PDE4D: variants seen among roughly 807,000 people sequenced by gnomAD.
The protein encoded by PDE4D is phosphodiesterase 4D.
A neutral mutation model predicts 87.4 loss-of-function variants in PDE4D; 24 were observed. The observed-to-expected ratio is 0.27, with a 90% CI of 0.20 to 0.39. The LOEUF is 0.39. Ranked by LOEUF, PDE4D falls within the 10% of genes least tolerant of loss-of-function variation. The pLI, the probability that PDE4D is intolerant of heterozygous loss-of-function variation, is 1.00. For missense variants in PDE4D, 714 were observed against 1,041.0 expected, an observed-to-expected ratio of 0.69 and a Z score of 4.32; for synonymous variants, 384 against 383.2, an observed-to-expected ratio of 1.00 and a Z score of -0.02.
intron 1 of PDE4D, among the ~76,000 whole-genome samples, chr5:60,353,749 T>C (rs1759382856): frequency 1.3e-5 from 2 of 152,210 alleles, no homozygotes; most frequent in Admixed American, 1.3e-4. Flanking sequence ...TAGTTTACTT[T>C]TAATGTGTCA....
chr5:60,147,645 A>G, intron 2 of PDE4D: 2 of 330,522 alleles, frequency 6.1e-6, no homozygotes. Context: ...AGAATTCAGG[A>G]GAGCTTAGGG....
chr5:59,917,072 G>A (rs1311707209), intron 3 of PDE4D, among the ~76,000 whole-genome samples: 11 of 150,302 alleles, frequency 7.3e-5, no homozygotes, highest in African/African-American at 2.7e-4. Context: ...CCAAAGTGCT[G>A]GGATTACAGG....
At chr5:59,493,413 A>C (rs1026533280) in intron 1 of PDE4D, among the ~76,000 whole-genome samples, 4 of 152,236 alleles carry the variant, frequency 2.6e-5, no homozygotes, top group Non-Finnish European at 5.9e-5. Flanking sequence ...TGTTCTAAAC[A>C]CTGGAATCGA....
intron 1 of PDE4D, among the ~76,000 whole-genome samples, chr5:59,831,296 C>G (rs1561732538): frequency 7.9e-6 from 1 of 127,370 alleles, no homozygotes; most frequent in Non-Finnish European, 1.6e-5. Flanking sequence ...TGAGGCCAGA[C>G]TTGCTGCCAC....
Position 59,893,502 on chromosome 5 carries a change from A to G in PDE4D, c.121T>C (p.Tyr41His). 1.3e-6 allele frequency: 2 copies of G among 1,540,558 alleles called. No homozygotes were observed. The highest frequency in any genetic ancestry group is 1.8e-6 in the Non-Finnish European group (2 of 1,142,460). Residue 41 changes from tyrosine to histidine, a missense_variant, in exon 1 of 15, where the codon TAC (tyrosine) becomes CAC (histidine). Physicochemically the swap from Tyr to His is moderately conservative, Grantham distance 83. Around this residue, in one of 7 missense-constraint regions of PDE4D, gnomAD observed 268 missense variants for 272.9 expected, o/e 0.98. Coordinates refer to ENST00000340635, the MANE Select transcript of PDE4D (RefSeq NM_001104631.2). ...HLWRHEQHHQ[Y>H]PLRQPQFRLL... Reference sequence around the variant, plus strand: ...CGGAACTGGGGCTGCCGGAGCGGGTACTGGTGGTGCTGCTCGTGCCTCCAG... The same window carrying G: ...CGGAACTGGGGCTGCCGGAGCGGGTGCTGGTGGTGCTGCTCGTGCCTCCAG...
chr5:59,053,523 A>C (rs1475036783), intron 5 of PDE4D, among the ~76,000 whole-genome samples: 1 of 152,038 alleles, frequency 6.6e-6, no homozygotes, highest in Non-Finnish European at 1.5e-5. Context: ...TTTGAGATTT[A>C]CTAAAATTAT....
chr5:58,999,567 A>ATG (rs1554041384), intron 6 of PDE4D: 5 of 1,069,786 alleles, frequency 4.7e-6, no homozygotes, highest in East Asian at 4.3e-5. Context: ...ATATATATAT[A>ATG]TGTATATATA....
At chr5:59,561,409 T>A (rs1390096634) in intron 1 of PDE4D, among the ~76,000 whole-genome samples, 2 of 152,230 alleles carry the variant, frequency 1.3e-5, no homozygotes, top group Non-Finnish European at 2.9e-5. Flanking sequence ...AGTGTGTTCC[T>A]TGTTAAAAGT....
chr5:60,388,539 T>C (rs1762357511), intron 1 of PDE4D, among the ~76,000 whole-genome samples: 1 of 152,208 alleles, frequency 6.6e-6, no homozygotes, highest in African/African-American at 2.4e-5. Flanking sequence ...TCTGTGTCCA[T>C]GTGTTCTCAG....
At chr5:60,140,519 A>C (rs1473749727) in intron 2 of PDE4D, among the ~76,000 whole-genome samples, 1 of 150,496 alleles carries the variant, frequency 6.6e-6, no homozygotes, top group African/African-American at 2.5e-5. Context: ...AAAAGAAAGA[A>C]AGAGAGAGAA....
chr5:59,168,431 G>C (rs1327192562), intron 5 of PDE4D, among the ~76,000 whole-genome samples: 6 of 152,162 alleles, frequency 3.9e-5, no homozygotes, highest in Admixed American at 3.9e-4. Flanking sequence ...CTGCCCCTGG[G>C]CACTCTGGTG....
chr5:59,721,561 T>C (rs1755832981), intron 1 of PDE4D, among the ~76,000 whole-genome samples: 1 of 152,236 alleles, frequency 6.6e-6, no homozygotes, highest in South Asian at 2.1e-4. Context: ...ATAGGAAAAT[T>C]GGGGCTTAAT....
At chr5:59,928,497 G>A (rs969023716) in intron 3 of PDE4D, among the ~76,000 whole-genome samples, 7 of 152,032 alleles carry the variant, frequency 4.6e-5, no homozygotes, top group African/African-American at 1.7e-4. Flanking sequence ...AGAATCACTT[G>A]AACCCAGGCG....
At chr5:59,214,249 T>C (rs144163281) in intron 2 of PDE4D, among the ~76,000 whole-genome samples, 1 of 152,242 alleles carries the variant, frequency 6.6e-6, no homozygotes, top group Admixed American at 6.5e-5. Flanking sequence ...GTAATCAAGA[T>C]GCAATAAAAA....
At chr5:60,191,301 G>C (rs547147214) in intron 1 of PDE4D, among the ~76,000 whole-genome samples, 53 of 152,018 alleles carry the variant, frequency 3.5e-4, no homozygotes, top group Non-Finnish European at 6.8e-4. Context: ...CCAAAATCTC[G>C]TCTTGAATTA....
chr5:59,199,333 T>A (rs1046099241), intron 2 of PDE4D, among the ~76,000 whole-genome samples: 3 of 151,608 alleles, frequency 2.0e-5, no homozygotes, highest in Non-Finnish European at 4.4e-5. Flanking sequence ...GCTGAAGTGA[T>A]CTTCCTGTCT....
At chr5:59,638,571 A>G (rs1740994174) in intron 1 of PDE4D, among the ~76,000 whole-genome samples, 1 of 152,154 alleles carries the variant, frequency 6.6e-6, no homozygotes, top group African/African-American at 2.4e-5. Flanking sequence ...TGAGAGAGAT[A>G]CGGAGCTTAA....
At chr5:60,441,529 A>T (rs546587902) in intron 1 of PDE4D, among the ~76,000 whole-genome samples, 1 of 152,350 alleles carries the variant, frequency 6.6e-6, no homozygotes, top group Admixed American at 6.5e-5. Context: ...AGGCATGGGC[A>T]AAGATTTCAT....
At chr5:59,094,759 G>C (rs1225061102) in intron 5 of PDE4D, among the ~76,000 whole-genome samples, 1 of 152,036 alleles carries the variant, frequency 6.6e-6, no homozygotes, top group Non-Finnish European at 1.5e-5. Context: ...GACAAAAAAA[G>C]GTTTAAACAA....
Sources: allele counts gnomAD v4.1 joint callset (sites outside exome capture counted in the v4.1 genomes callset), GRCh38; gene constraint gnomAD v4.1.1; regional missense constraint gnomAD v4.1.1; transcripts MANE v1.5; gene names NCBI Gene and HGNC (gene_info 2026-07-23, HGNC 2026-07-21).